The following VCP variants were observed in gnomAD, a reference collection of about 807,000 sequenced individuals.
VCP encodes the protein valosin containing protein.
Under a neutral mutation model 85.7 loss-of-function variants are expected in VCP, and 6 were observed. The ratio of observed to expected loss-of-function variants is 0.07; its 90% CI spans 0.04 to 0.14. The LOEUF is 0.14. VCP is among the 10% of genes least tolerant of loss of function. The probability of loss-of-function intolerance (pLI) is 1.00; values close to 1 mark genes in which losing one functional copy is unlikely to be tolerated. For missense variants in VCP, 353 were observed against 1,043.4 expected (o/e 0.34, Z 9.12); for synonymous variants, 384 against 367.1 (o/e 1.05, Z -0.53).
In VCP at chr9:35,059,327, A is replaced by G. The variant is rs930109854; in HGVS notation, c.2005-108T>C. The G allele has an allele frequency of 1.2e-5, 19 of 1,553,390 alleles. No homozygotes were observed. The highest frequency in any genetic ancestry group is 1.9e-5 in the Admixed American group (1 of 52,578). Reference sequence around the variant, plus strand: ...ACTACAGTTTGCCCCTTCTTTGGCCACCCCATTTTATTCCTGATTCTAGAT... The same window carrying G: ...ACTACAGTTTGCCCCTTCTTTGGCCGCCCCATTTTATTCCTGATTCTAGAT... On this transcript the variant is annotated intron_variant, in intron 14 of 16. Transcript: ENST00000358901. The surrounding 1 kb of genome is among the most constrained non-coding windows in gnomAD (Gnocchi z 4.9).
chr9:35,057,107 C>T lies in VCP; in HGVS notation c.*10G>A. On this transcript the variant is annotated 3_prime_UTR_variant, in exon 17 of 17. Transcript: ENST00000358901. ...GGCAGGCCAGCTCACTGCACGCTGGCCACCACCACTTAGCCATACAGGTCA... is the reference window on the plus strand; with the variant it reads ...GGCAGGCCAGCTCACTGCACGCTGGTCACCACCACTTAGCCATACAGGTCA... 6.2e-7 allele frequency: 1 copy of T among 1,613,812 alleles called. No individual in the cohort carries two copies. The highest frequency in any genetic ancestry group is 8.5e-7 in the Non-Finnish European group (1 of 1,179,884).
chr9:35,057,457 C>A lies in VCP; in HGVS notation c.2234G>T (p.Arg745Leu). ...CCGAATGTCATTGTCACTGACAGAACGGCGCGCAAAGCGCATGGCTTCTTC... is the reference window on the plus strand; with the variant it reads ...CCGAATGTCATTGTCACTGACAGAAAGGCGCGCAAAGCGCATGGCTTCTTC... Reference protein sequence around the residue: ...HFEEAMRFARRSVSDNDIRKY... With the variant: ...HFEEAMRFARLSVSDNDIRKY... The change falls in exon 16 of 17, where the codon CGT (arginine) becomes CTT (leucine). Residue 745 changes from arginine to leucine, a missense_variant. By Grantham distance (102) the Arg-to-Leu change is moderately radical. Transcript: ENST00000358901. 1 of 1,614,182 alleles carries A rather than the reference C, an allele frequency of 6.2e-7. No individual in the cohort carries two copies. Among genetic ancestry groups the A allele is most frequent in the Non-Finnish European group, 8.5e-7 (1 of 1,180,050 alleles).
rs759966902 is a variant in VCP, at chr9:35,062,376, TA to T, written c.812-27del. 5 of 1,613,918 alleles carry T rather than the reference TA, an allele frequency of 3.1e-6. No individual in the cohort carries two copies. In the Admixed American group the frequency reaches 8.3e-5, roughly 27 times the overall value. ...CTGAAAGGATACAGAATGGAGACAATAACAAAATGATAGTCTTTCCCAATTC... is the reference window on the plus strand; with the variant it reads ...CTGAAAGGATACAGAATGGAGACAATACAAAATGATAGTCTTTCCCAATTC... On this transcript the variant is annotated intron_variant, in intron 7 of 16. Coordinates refer to ENST00000358901, the MANE Select transcript of VCP (RefSeq NM_007126.5).
intron 15 of VCP, among the ~76,000 whole-genome samples, 180 bp downstream of exon 15, chr9:35,058,884 C>T (rs1483210061): frequency 6.6e-6 from 1 of 152,252 alleles, no homozygotes; most frequent in East Asian, 1.9e-4. Flanking sequence ...ACCATCTCTT[C>T]TCGGCCTTAT....
chr9:35,069,295 C>A (rs1828892766), intron 1 of VCP, among the ~76,000 whole-genome samples: 1 of 152,158 alleles, frequency 6.6e-6, no homozygotes, highest in African/African-American at 2.4e-5. Flanking sequence ...TGGGGCAAAT[C>A]CAAATCCCTC....
At position 35,064,256 on chromosome 9, in the gene VCP, C is replaced by T; in HGVS notation, c.606G>A (p.Gly202=). Residue 202 remains glycine (G), a synonymous_variant, in exon 6 of 17, where the codon GGG becomes GGA. Coordinates refer to ENST00000358901, the MANE Select transcript of VCP (RefSeq NM_007126.5). Reference sequence around the variant, plus strand: ...TCCTGCAGCCACCAATGTCATCATACCCTACTTCATTCAAGGACTCTTCCT... The same window carrying T: ...TCCTGCAGCCACCAATGTCATCATATCCTACTTCATTCAAGGACTCTTCCT... ...EDEEESLNEV[G]YDDIGGCRKQ... 6.2e-7 allele frequency: 1 copy of T among 1,614,156 alleles called. No homozygotes were observed. Among genetic ancestry groups the T allele is most frequent in the Non-Finnish European group, 8.5e-7 (1 of 1,180,028 alleles).
Position 35,062,340 on chromosome 9 carries a change from G to A in VCP, c.822C>T (p.Ile274=). The A allele has an allele frequency of 6.2e-7, 1 of 1,614,132 alleles. No homozygotes were observed. The highest frequency in any genetic ancestry group is 8.5e-7 in the Non-Finnish European group (1 of 1,180,020). The change falls in exon 8 of 17, where the codon ATC becomes ATT. Residue 274 remains isoleucine (I), a synonymous_variant. Transcript: ENST00000358901. ...CAGACTCACCAGCCAATTTGCTCATGATCTCAGGACCTGAAAGGATACAGA... is the reference window on the plus strand; with the variant it reads ...CAGACTCACCAGCCAATTTGCTCATAATCTCAGGACCTGAAAGGATACAGA... The part of the protein sequence containing the change: ...AFFFLINGPE[I]MSKLAGESES...
intron 1 of VCP, among the ~76,000 whole-genome samples, chr9:35,071,420 A>G (rs758239334): frequency 4.1e-5 from 6 of 148,106 alleles, no homozygotes; most frequent in Non-Finnish European, 8.9e-5. Flanking sequence ...AAAGCCCCAG[A>G]GCCCGGGTAA....
At chr9:35,071,491 G>C (rs887651481) in intron 1 of VCP, among the ~76,000 whole-genome samples, 1 of 151,886 alleles carries the variant, frequency 6.6e-6, no homozygotes, top group African/African-American at 2.4e-5. Flanking sequence ...TGAAGAGTTA[G>C]TGCAACTCTA....
intron 13 of VCP, 38 bp downstream of exon 13, chr9:35,060,275 A>G (rs894701393): frequency 1.2e-6 from 2 of 1,606,028 alleles, no homozygotes; most frequent in African/African-American, 1.3e-5. Flanking sequence ...CCTTGCCCTC[A>G]GGCAAATCAA....
At position 35,059,953 on chromosome 9, in the gene VCP, T is replaced by TGTTTGTA; in HGVS notation, c.1696-153_1696-152insTACAAAC. The TGTTTGTA allele has an allele frequency of 1.1e-6, 1 of 941,166 alleles. No individual in the cohort carries two copies. The highest frequency in any genetic ancestry group is 1.6e-6 in the Non-Finnish European group (1 of 619,858). The allele number at this position is 941,166 out of a possible 1,614,324, so 58.3% of individuals were successfully genotyped here. A position where few individuals can be genotyped will look rare whatever the true frequency, so the allele number is the denominator to read the frequency against. ...TCCGAAACCAGCATGGGCAACATAC[T>TGTTTGTA]GAGACTTTGTCTCTACAAAAAATAA... is the stretch of plus-strand genomic sequence containing the variant. On this transcript the variant is annotated intron_variant, in intron 13 of 16. Transcript: ENST00000358901. This position sits in a 1 kb window ranked among gnomAD's most constrained non-coding sequence, Gnocchi z 4.9.
rs1333833979 is a variant in VCP at position 35,065,272 on chromosome 9, T to G, written c.555A>C (p.Glu185Asp). Residue 185 changes from glutamate to aspartate, a missense_variant, in exon 5 of 17, where the codon GAA becomes GAC. Glu to Asp is a conservative substitution (Grantham distance 45). This residue lies in a region of VCP where 85 missense variants were observed against 345.2 expected (regional missense o/e 0.25). Transcript: ENST00000358901. The stretch of plus-strand genomic sequence containing the variant: ...TCACCTCTCGTTTGATAGGCTCCCC[T>G]TCGCAGTGGATCACTGTGTCTGGAG... ...IVAPDTVIHC[E>D]GEPIKREDEE... The G allele has an allele frequency of 5.0e-6, 8 of 1,614,080 alleles. No homozygotes were observed. In the East Asian group the frequency reaches 6.7e-5, roughly 13 times the overall value.
intron 1 of VCP, chr9:35,071,853 C>A (rs1828953908): frequency 1.0e-6 from 1 of 991,430 alleles, no homozygotes; most frequent in Non-Finnish European, 1.2e-6. Flanking sequence ...GGTGGCAGAG[C>A]TCCTGAGGCC....
chr9:35,071,305 T>G (rs896268535), intron 1 of VCP, among the ~76,000 whole-genome samples: 5 of 137,136 alleles, frequency 3.6e-5, no homozygotes, highest in Admixed American at 2.1e-4. Flanking sequence ...TTTTTTTTTT[T>G]TTTTTTTTTT....
At chr9:35,058,659 C>T (rs919940843) in intron 15 of VCP, among the ~76,000 whole-genome samples, 5 of 152,028 alleles carry the variant, frequency 3.3e-5, no homozygotes, top group Non-Finnish European at 7.4e-5. Context: ...CCCAGCTACT[C>T]GGGAGGCTGA....
In VCP at chr9:35,060,302, T is replaced by C. The variant is rs767026681; in HGVS notation, c.1695+11A>G. The C allele has an allele frequency of 1.7e-5, 27 of 1,613,838 alleles. No homozygotes were observed. The East Asian group carries it at 1.8e-4, about 11-fold the overall frequency. ...GCAAATCAATACATAGTTCAGCCTA[T>C]TGTAGCTCACCTTGTCAAAGATTTC... On this transcript the variant is annotated intron_variant, in intron 13 of 16. Transcript: ENST00000358901.
chr9:35,071,978 G>C lies in VCP; in HGVS notation c.17+359C>G. 3.7e-6 allele frequency: 4 copies of C among 1,091,066 alleles called. No homozygotes were observed. In the South Asian group the frequency reaches 1.1e-4, roughly 31 times the overall value. 67.6% of individuals were successfully genotyped at this position (1,091,066 alleles called of 1,614,324 possible). On this transcript the variant is annotated intron_variant, in intron 1 of 16. Coordinates refer to ENST00000358901, the MANE Select transcript of VCP (RefSeq NM_007126.5). ...CGGGTGGTAGGCCGGACGGCAGACT[G>C]GCGCCCCAAAGCCCCGGGGCGCCGC...
chr9:35,064,373 G>A (rs1423117733), intron 5 of VCP, 88 bp from the exon 6 acceptor site: 2 of 1,566,696 alleles, frequency 1.3e-6, no homozygotes, highest in South Asian at 1.1e-5. Flanking sequence ...ACTACCTAGT[G>A]TGCAAAAACC....
At chr9:35,062,196 T>A in intron 8 of VCP, 21 bp downstream of exon 8, 5 of 1,614,018 alleles carry the variant, frequency 3.1e-6, no homozygotes, top group South Asian at 2.2e-5. Context: ...CCCCCCTCTA[T>A]CCCCTCAGGT....
Sources: gnomAD v4.1 joint callset for allele counts (sites outside exome capture counted in the v4.1 genomes callset) on GRCh38, gnomAD v4.1.1 for gene constraint, gnomAD v4.1.1 regional missense constraint, Gnocchi (gnomAD v3.1) non-coding constraint, MANE v1.5 for transcripts, NCBI Gene and HGNC (gene_info 2026-07-23, HGNC 2026-07-21) for gene names.